Variants in LHFPL3 observed in about 807,000 individuals in gnomAD.
LHFPL3 encodes the protein LHFPL tetraspan subfamily member 3 protein.
A neutral mutation model predicts 19.3 loss-of-function variants in LHFPL3; 5 were observed. The ratio of observed to expected loss-of-function variants is 0.26; its 90% CI spans 0.14 to 0.54. The LOEUF (loss-of-function observed/expected upper bound fraction) is 0.54, where lower values mean the gene tolerates loss of function less well. LHFPL3 is among the 20% of genes least tolerant of loss of function. The pLI is 0.94. For missense variants in LHFPL3, 249 were observed against 307.4 expected (o/e 0.81, Z 1.42); for synonymous variants, 133 against 126.2 (o/e 1.05, Z -0.36).
intron 2 of LHFPL3, chr7:104,803,813 C>G (rs985007269): frequency 1.3e-5 from 2 of 152,146 alleles, no homozygotes; most frequent in African/African-American, 4.8e-5. Context: ...CTACCTTTAC[C>G]CCTCTTAAAT....
intron 1 of LHFPL3, among the ~76,000 whole-genome samples, chr7:104,340,833 C>T (rs1380104297): frequency 6.6e-6 from 1 of 152,018 alleles, no homozygotes; most frequent in Non-Finnish European, 1.5e-5. Context: ...GGAGTAATGA[C>T]TGAAAATAAT....
intron 2 of LHFPL3, among the ~76,000 whole-genome samples, chr7:104,856,294 A>G (rs899017726): frequency 7.9e-6 from 1 of 126,706 alleles, no homozygotes; most frequent in Non-Finnish European, 1.6e-5. Context: ...TCTGTCACAC[A>G]GGCTGGAGAG....
chr7:104,588,072 T>A (rs911155478), intron 1 of LHFPL3, among the ~76,000 whole-genome samples: 30 of 152,346 alleles, frequency 2.0e-4, no homozygotes, highest in Admixed American at 7.8e-4. Flanking sequence ...AGGTTGCCTG[T>A]TCACTCTGAT....
chr7:104,604,034 G>A (rs916207414), intron 1 of LHFPL3, among the ~76,000 whole-genome samples: 2 of 152,164 alleles, frequency 1.3e-5, no homozygotes, highest in African/African-American at 4.8e-5. Flanking sequence ...CCACAGCTCC[G>A]CTAGGCATTG....
intron 1 of LHFPL3, among the ~76,000 whole-genome samples, chr7:104,628,736 C>T (rs1359354338): frequency 6.6e-6 from 1 of 152,130 alleles, no homozygotes; most frequent in Non-Finnish European, 1.5e-5. Flanking sequence ...AATAAGTGTA[C>T]CATTTTCATA....
chr7:104,412,409 T>C (rs780249385), intron 1 of LHFPL3, among the ~76,000 whole-genome samples: 1 of 151,850 alleles, frequency 6.6e-6, no homozygotes, highest in Non-Finnish European at 1.5e-5. Context: ...TTGTGAAGAG[T>C]GGCACAGAGA....
chr7:104,712,806 G>T (rs146523866), intron 1 of LHFPL3, among the ~76,000 whole-genome samples: 2 of 152,126 alleles, frequency 1.3e-5, no homozygotes, highest in African/African-American at 4.8e-5. Context: ...ATTTCTTATA[G>T]CAGCAACAGA....
chr7:104,463,227 G>C (rs981629292), intron 1 of LHFPL3, among the ~76,000 whole-genome samples: 1 of 152,032 alleles, frequency 6.6e-6, no homozygotes, highest in African/African-American at 2.4e-5. Context: ...TTAATGTCTT[G>C]ATTTCCCTCA....
At chr7:104,681,807 G>C (rs572630460) in intron 1 of LHFPL3, among the ~76,000 whole-genome samples, 1 of 152,048 alleles carries the variant, frequency 6.6e-6, no homozygotes, top group East Asian at 1.9e-4. Context: ...ATCATCCTCC[G>C]AACCTTAAAG....
At chr7:104,766,156 G>A (rs973620605) in intron 2 of LHFPL3, among the ~76,000 whole-genome samples, 7 of 152,148 alleles carry the variant, frequency 4.6e-5, no homozygotes, top group African/African-American at 9.7e-5. Context: ...TGGTAATGTC[G>A]AGCTTTGTTG....
chr7:104,537,094 C>A (rs188197636), intron 1 of LHFPL3, among the ~76,000 whole-genome samples: 1 of 152,274 alleles, frequency 6.6e-6, no homozygotes, highest in Non-Finnish European at 1.5e-5. Flanking sequence ...CCTGGCTGAT[C>A]TTTAACCCAA....
intron 1 of LHFPL3, among the ~76,000 whole-genome samples, chr7:104,495,625 T>C (rs181387068): frequency 1.1e-4 from 17 of 152,268 alleles, no homozygotes; most frequent in East Asian, 7.7e-4. Context: ...CCTCATGATC[T>C]GCCCGCCTTG....
At chr7:104,779,619 A>G (rs1794687304) in intron 2 of LHFPL3, among the ~76,000 whole-genome samples, 1 of 152,206 alleles carries the variant, frequency 6.6e-6, no homozygotes, top group Non-Finnish European at 1.5e-5. Context: ...CAGATTCTGG[A>G]TGAGTGACCT....
intron 1 of LHFPL3, among the ~76,000 whole-genome samples, chr7:104,701,468 G>T (rs1238999286): frequency 6.6e-6 from 1 of 152,020 alleles, no homozygotes; most frequent in African/African-American, 2.4e-5. Flanking sequence ...ACTAGAGAAA[G>T]AAAATATTAT....
chr7:104,644,263 G>A (rs1425535596), intron 1 of LHFPL3, among the ~76,000 whole-genome samples: 1 of 152,142 alleles, frequency 6.6e-6, no homozygotes, highest in East Asian at 1.9e-4. Flanking sequence ...GGCTATAGGT[G>A]CAAAACCTCA....
rs1029049057 is a variant in LHFPL3 at position 104,688,938 on chromosome 7, C to T, written c.446-47737C>T. On this transcript the variant is annotated intron_variant, in intron 1 of 2. Coordinates refer to ENST00000424859, the MANE Select transcript of LHFPL3 (RefSeq NM_199000.3). Reference sequence around the variant, plus strand: ...ATCAGACTGAATTTATTGATATGGGCCCACTAAGCAGGGATCCTGCATTTA... The same window carrying T: ...ATCAGACTGAATTTATTGATATGGGTCCACTAAGCAGGGATCCTGCATTTA... Among the ~76,000 whole-genome samples the T allele has an allele frequency of 3.9e-5, 6 of 152,126 alleles. No individual in the cohort carries two copies. The South Asian group carries it at 8.3e-4, about 21-fold the overall frequency.
chr7:104,446,358 C>T (rs1371491990), intron 1 of LHFPL3, among the ~76,000 whole-genome samples: 2 of 152,162 alleles, frequency 1.3e-5, no homozygotes, highest in African/African-American at 2.4e-5. Context: ...CACACTCCTT[C>T]AACCTAGCAT....
At chr7:104,566,834 C>G (rs1223313760) in intron 1 of LHFPL3, among the ~76,000 whole-genome samples, 1 of 152,220 alleles carries the variant, frequency 6.6e-6, no homozygotes, top group African/African-American at 2.4e-5. Flanking sequence ...AACATTATTT[C>G]TCAAATGTAA....
intron 1 of LHFPL3, among the ~76,000 whole-genome samples, chr7:104,621,214 A>C (rs1791440897): frequency 6.6e-6 from 1 of 152,224 alleles, no homozygotes; most frequent in Non-Finnish European, 1.5e-5. Flanking sequence ...TCCAGTCCTG[A>C]AAGTTAATTC....
Sources: gnomAD v4.1 joint callset for allele counts (sites outside exome capture counted in the v4.1 genomes callset) on GRCh38, gnomAD v4.1.1 for gene constraint, MANE v1.5 for transcripts, NCBI Gene and HGNC (gene_info 2026-07-23, HGNC 2026-07-21) for gene names.